CFAP61: variants seen among roughly 807,000 people sequenced by gnomAD.
CFAP61 encodes the protein cilia and flagella associated protein 61, also known as cilia- and flagella-associated protein 61.
Under a neutral mutation model 135.6 loss-of-function variants are expected in CFAP61, and 107 were observed. The observed-to-expected ratio is 0.79, with a 90% confidence interval of 0.67 to 0.93. The LOEUF (loss-of-function observed/expected upper bound fraction) is 0.93, where lower values mean the gene tolerates loss of function less well. Among genes scored for constraint, CFAP61 ranks in the 40% least tolerant of loss-of-function variants. The pLI, the probability that CFAP61 is intolerant of heterozygous loss-of-function variation, is 0.00. For synonymous variants in CFAP61, 575 were observed against 578.5 expected (o/e 0.99, Z 0.09); for missense variants, 1,507 against 1,556.2 (o/e 0.97, Z 0.53).
intron 9 of CFAP61, among the ~76,000 whole-genome samples, chr20:20,157,849 A>C (rs1368793989): frequency 6.6e-6 from 1 of 152,228 alleles, no homozygotes; most frequent in South Asian, 2.1e-4. Flanking sequence ...AGACTGGGAG[A>C]AAATATTTGC....
intron 10 of CFAP61, among the ~76,000 whole-genome samples, chr20:20,161,805 A>G (rs2053425675): frequency 6.6e-6 from 1 of 152,238 alleles, no homozygotes; most frequent in Non-Finnish European, 1.5e-5. Flanking sequence ...ACGGTGAGGA[A>G]TAGAGAACAG....
chr20:20,272,064 T>A (rs942572944), intron 21 of CFAP61, among the ~76,000 whole-genome samples: 2 of 152,342 alleles, frequency 1.3e-5, no homozygotes, highest in Admixed American at 6.5e-5. Flanking sequence ...TCATCTTTAA[T>A]ATGGACATAC....
Position 20,341,815 on chromosome 20 carries a change from C to CT in CFAP61, c.3423-14dup. 1 of 1,603,446 alleles carries CT rather than the reference C, an allele frequency of 6.2e-7. No homozygotes were observed. The highest frequency in any genetic ancestry group is 1.1e-5 in the South Asian group (1 of 90,466). On this transcript the variant is annotated splice_polypyrimidine_tract_variant and intron_variant, in intron 25 of 26. Transcript: ENST00000245957. ...AGAGGGTTGCCAGCTCACTGAGTCT[C>CT]TTCTTTCCTTACCAGCTACTTCACC...
At chr20:20,129,017 T>A (rs2050296894) in intron 8 of CFAP61, among the ~76,000 whole-genome samples, 1 of 151,454 alleles carries the variant, frequency 6.6e-6, no homozygotes, top group South Asian at 2.1e-4. Context: ...TTATAACTAT[T>A]ATTATAATAG....
At chr20:20,299,265 C>G (rs1245524561) in intron 25 of CFAP61, among the ~76,000 whole-genome samples, 1 of 152,200 alleles carries the variant, frequency 6.6e-6, no homozygotes, top group African/African-American at 2.4e-5. Context: ...AGAAATAATT[C>G]CTTAACTTAG....
chr20:20,327,801 A>ACAGAAG (rs2057816442), intron 25 of CFAP61, among the ~76,000 whole-genome samples: 1 of 52,890 alleles, frequency 1.9e-5, no homozygotes, highest in Non-Finnish European at 3.4e-5. Flanking sequence ...AAAAAAAAAA[A>ACAGAAG]AAAACAGAAG....
intron 17 of CFAP61, among the ~76,000 whole-genome samples, chr20:20,227,680 AT>A (rs1168120015): frequency 6.6e-6 from 1 of 152,208 alleles, no homozygotes; most frequent in Non-Finnish European, 1.5e-5. Flanking sequence ...AACAACCCTA[AT>A]AATTGAATGC....
rs578121927 is a variant in CFAP61, at chr20:20,103,287, G to C, written c.859+4473G>C. Among the ~76,000 whole-genome samples, 6 of 152,220 alleles carry C rather than the reference G, an allele frequency of 3.9e-5. No individual in the cohort carries two copies. In the South Asian group the frequency reaches 1.2e-3, roughly 32 times the overall value. On this transcript the variant is annotated intron_variant, in intron 8 of 26. Coordinates refer to ENST00000245957, the MANE Select transcript of CFAP61 (RefSeq NM_015585.4). ...TGTACAATCAATTTGTGTTTTACCT[G>C]AATAATTTGTGTATGTTTTCATAGC...
intron 8 of CFAP61, among the ~76,000 whole-genome samples, chr20:20,112,189 C>T (rs1269296548): frequency 6.6e-6 from 1 of 152,038 alleles, no homozygotes; most frequent in African/African-American, 2.4e-5. Flanking sequence ...GTTTCTGTGG[C>T]ATAGAACTTC....
At chr20:20,159,283 T>C in intron 9 of CFAP61, 87 bp from the exon 10 acceptor site, 1 of 1,222,490 alleles carries the variant, frequency 8.2e-7, no homozygotes, top group South Asian at 1.2e-5. Context: ...AGCCAGGGTC[T>C]GAACCCTGGC....
At chr20:20,226,655 A>G (rs982097601) in intron 17 of CFAP61, among the ~76,000 whole-genome samples, 9 of 152,338 alleles carry the variant, frequency 5.9e-5, no homozygotes, top group East Asian at 5.8e-4. Flanking sequence ...CATGATGACC[A>G]TAGCCATTTC....
chr20:20,129,563 T>A (rs931017247), intron 8 of CFAP61, among the ~76,000 whole-genome samples: 14 of 151,594 alleles, frequency 9.2e-5, no homozygotes, highest in African/African-American at 3.4e-4. Context: ...ATCTGTTTGA[T>A]GCTCTCTCAT....
At chr20:20,117,201 A>G (rs2049210514) in intron 8 of CFAP61, among the ~76,000 whole-genome samples, 1 of 152,064 alleles carries the variant, frequency 6.6e-6, no homozygotes, top group Non-Finnish European at 1.5e-5. Flanking sequence ...AAAATTAGCC[A>G]GGTATAGTGG....
At chr20:20,336,301 A>C (rs554571419) in intron 25 of CFAP61, among the ~76,000 whole-genome samples, 1 of 152,334 alleles carries the variant, frequency 6.6e-6, no homozygotes, top group East Asian at 1.9e-4. Flanking sequence ...TACTTAGGAC[A>C]AGACAAAAGT....
At chr20:20,286,326 C>G (rs1483627118) in intron 22 of CFAP61, among the ~76,000 whole-genome samples, 1 of 152,254 alleles carries the variant, frequency 6.6e-6, no homozygotes, top group African/African-American at 2.4e-5. Flanking sequence ...TGCAGTGACA[C>G]TGGCTCTCAA....
chr20:20,303,102 T>C (rs1341053242), intron 25 of CFAP61, among the ~76,000 whole-genome samples: 2 of 152,236 alleles, frequency 1.3e-5, no homozygotes, highest in Non-Finnish European at 2.9e-5. Flanking sequence ...TGGTCAACCT[T>C]ACCCAAAATA....
At chr20:20,242,424 G>T (rs2050082462) in intron 18 of CFAP61, among the ~76,000 whole-genome samples, 1 of 152,254 alleles carries the variant, frequency 6.6e-6, no homozygotes. Context: ...CCTTGAGCAT[G>T]TGAGTTCTTC....
chr20:20,062,647 A>G (rs898312735), intron 2 of CFAP61, among the ~76,000 whole-genome samples: 2 of 152,240 alleles, frequency 1.3e-5, no homozygotes, highest in Admixed American at 6.5e-5. Flanking sequence ...TTTCAAAGTA[A>G]TGTGAAAAGG....
chr20:20,357,024 A>T (rs2059222996), intron 26 of CFAP61, among the ~76,000 whole-genome samples: 2 of 85,032 alleles, frequency 2.4e-5, no homozygotes, highest in Non-Finnish European at 2.4e-5. Flanking sequence ...CTGTGAGGGG[A>T]GGTGGTCACA....
Sources: allele counts gnomAD v4.1 joint callset (sites outside exome capture counted in the v4.1 genomes callset), GRCh38; gene constraint gnomAD v4.1.1; transcripts MANE v1.5; gene names NCBI Gene and HGNC (gene_info 2026-07-23, HGNC 2026-07-21).